Variants in ZNF169 observed in about 807,000 individuals in gnomAD.
The protein encoded by ZNF169 is zinc finger protein 169.
Under a neutral mutation model 12.0 loss-of-function variants are expected in ZNF169, and 11 were observed. That is an observed-to-expected ratio of 0.92 (90% CI 0.58 to 1.52). The LOEUF (loss-of-function observed/expected upper bound fraction) is 1.52. Among genes scored for constraint, ZNF169 ranks in the 40% most tolerant of loss-of-function variants. The probability of loss-of-function intolerance (pLI) is 0.00; values close to 1 mark genes in which losing one functional copy is unlikely to be tolerated. For synonymous variants in ZNF169, 302 were observed against 286.5 expected (o/e 1.05, Z -0.55); for missense variants, 722 against 744.0 (o/e 0.97, Z 0.34).
intron 2 of ZNF169, chr9:94,287,847 G>T: frequency 9.5e-7 from 1 of 1,055,710 alleles, no homozygotes; most frequent in Non-Finnish European, 1.5e-6. Context: ...GTTCATTTTA[G>T]CCGAGAAGTA....
chr9:94,278,890 A>T, intron 2 of ZNF169, 45 bp downstream of exon 2: 1 of 1,607,620 alleles, frequency 6.2e-7, no homozygotes, highest in Non-Finnish European at 8.5e-7. Context: ...AAGGTTTCAT[A>T]ATCTTTTCTT....
rs1471781189 is a variant in ZNF169, at chr9:94,300,962, T to G, written c.1404T>G (p.Gly468=). The part of the protein sequence containing the change: ...YLCPDCGRGF[G]QKVTLIRHQR... ...GCCCTGATTGTGGGCGTGGCTTTGG[T>G]CAGAAGGTCACCCTCATCAGACACC... The change falls in exon 5 of 5, where the codon GGT becomes GGG. Residue 468 remains glycine, a synonymous_variant. Coordinates refer to ENST00000395395, the MANE Select transcript of ZNF169 (RefSeq NM_194320.4). The G allele has an allele frequency of 9.3e-6, 14 of 1,499,252 alleles. No individual in the cohort carries two copies. The highest frequency in any genetic ancestry group is 1.2e-5 in the Non-Finnish European group (14 of 1,128,138). The allele number at this position is 1,499,252 out of a possible 1,614,324, so 92.9% of individuals were successfully genotyped here.
intron 1 of ZNF169, among the ~76,000 whole-genome samples, chr9:94,266,152 A>C (rs547274755): frequency 6.6e-6 from 1 of 152,226 alleles, no homozygotes; most frequent in Admixed American, 6.5e-5. Context: ...AGGCCTAGGC[A>C]AAATTGTTGA....
At chr9:94,273,420 C>A (rs1830460440) in intron 1 of ZNF169, among the ~76,000 whole-genome samples, 1 of 150,972 alleles carries the variant, frequency 6.6e-6, no homozygotes, top group Non-Finnish European at 1.5e-5. Context: ...AGTTTTATTT[C>A]TATTTCATTA....
chr9:94,277,528 T>C (rs888691794), intron 1 of ZNF169, among the ~76,000 whole-genome samples: 2 of 152,044 alleles, frequency 1.3e-5, no homozygotes, highest in African/African-American at 2.4e-5. Flanking sequence ...CAGAGTCAGA[T>C]TGGAAAGTAA....
chr9:94,263,039 A>G (rs998087213), intron 1 of ZNF169, among the ~76,000 whole-genome samples: 4 of 152,116 alleles, frequency 2.6e-5, no homozygotes, highest in Admixed American at 1.3e-4. Flanking sequence ...GGAATGTACC[A>G]TGGGCCCTTT....
chr9:94,268,900 A>G (rs1830339972), intron 1 of ZNF169, among the ~76,000 whole-genome samples: 1 of 152,178 alleles, frequency 6.6e-6, no homozygotes, highest in Non-Finnish European at 1.5e-5. Context: ...AACAGAATTC[A>G]GTCAACAGAG....
In ZNF169 at chr9:94,301,129, G is replaced by A; in HGVS notation, c.1571G>A (p.Gly524Asp). 1.2e-6 allele frequency: 2 copies of A among 1,614,160 alleles called. No homozygotes were observed. The highest frequency in any genetic ancestry group is 1.7e-6 in the Non-Finnish European group (2 of 1,180,042). Residue 524 changes from glycine to aspartate, a missense_variant, in exon 5 of 5, where the codon GGC becomes GAC. Physicochemically the swap from Gly to Asp is moderately conservative, Grantham distance 94. Transcript: ENST00000395395. Reference protein sequence around the residue: ...YVDRVCGQGLGQKSHLISDQR... With the variant: ...YVDRVCGQGLDQKSHLISDQR... ...GACAGGGTGTGTGGACAAGGACTTGGCCAGAAGTCACACCTTATCTCTGAC... is the reference window on the plus strand; with the variant it reads ...GACAGGGTGTGTGGACAAGGACTTGACCAGAAGTCACACCTTATCTCTGAC...
At chr9:94,292,607 T>TTTGTGTGTGTGTGTGTGTGTGTGTGTG in intron 3 of ZNF169, 140 bp downstream of exon 3, 2 of 677,208 alleles carry the variant, frequency 3.0e-6, no homozygotes, top group East Asian at 3.0e-5. Flanking sequence ...CACAGTGCAG[T>TTTGTGTGTGTGTGTGTGTGTGTGTGTG]TGTGTGTGTG....
intron 2 of ZNF169, among the ~76,000 whole-genome samples, chr9:94,287,446 A>G (rs1399304850): frequency 2.0e-5 from 3 of 151,966 alleles, no homozygotes; most frequent in African/African-American, 7.3e-5. Flanking sequence ...GCTCACTGCA[A>G]CCTCCACCTC....
chr9:94,270,977 TA>T (rs1564083787), intron 1 of ZNF169, among the ~76,000 whole-genome samples: 2 of 8,970 alleles, frequency 2.2e-4, no homozygotes, highest in African/African-American at 1.1e-3. Flanking sequence ...TTATATATTA[TA>T]TAAATATACA....
intron 1 of ZNF169, among the ~76,000 whole-genome samples, chr9:94,276,029 C>T (rs533397183): frequency 5.9e-5 from 9 of 152,018 alleles, no homozygotes; most frequent in Non-Finnish European, 8.8e-5. Context: ...CCGCCTCAGC[C>T]ACCTCTCAAA....
At chr9:94,271,506 G>A (rs909201774) in intron 1 of ZNF169, among the ~76,000 whole-genome samples, 1 of 151,914 alleles carries the variant, frequency 6.6e-6, no homozygotes, top group African/African-American at 2.4e-5. Flanking sequence ...CAGATCACTC[G>A]GTCAAAAGAT....
At chr9:94,275,305 G>A (rs964943846) in intron 1 of ZNF169, among the ~76,000 whole-genome samples, 9 of 152,144 alleles carry the variant, frequency 5.9e-5, no homozygotes, top group African/African-American at 1.7e-4. Flanking sequence ...TTATAACGTC[G>A]AAAAATTGTA....
intron 1 of ZNF169, among the ~76,000 whole-genome samples, chr9:94,267,349 T>G (rs1830312638): frequency 6.6e-6 from 1 of 152,198 alleles, no homozygotes; most frequent in South Asian, 2.1e-4. Context: ...GCTTCATAAG[T>G]GAACTTTGAT....
chr9:94,264,420 A>C (rs1830256126), intron 1 of ZNF169, among the ~76,000 whole-genome samples: 1 of 152,238 alleles, frequency 6.6e-6, no homozygotes, highest in Admixed American at 6.5e-5. Context: ...GACGTGAGCC[A>C]CCGCGCCTGG....
chr9:94,296,793 C>T (rs749934879), intron 4 of ZNF169: 1 of 456,898 alleles, frequency 2.2e-6, no homozygotes, highest in South Asian at 1.5e-5. Flanking sequence ...TGTAAATCCT[C>T]CATCTTCTTT....
intron 2 of ZNF169, among the ~76,000 whole-genome samples, chr9:94,280,084 A>G (rs936410368): frequency 4.6e-5 from 7 of 152,250 alleles, no homozygotes; most frequent in Admixed American, 2.6e-4. Flanking sequence ...GCTTTGTGCT[A>G]TAAATATGTC....
Position 94,300,793 on chromosome 9 carries a change from G to T in ZNF169, c.1235G>T (p.Arg412Leu). Residue 412 changes from arginine (R) to leucine (L), a missense_variant, in exon 5 of 5, where the codon CGC (arginine) becomes CTC (leucine). By Grantham distance (102) the Arg-to-Leu change is moderately radical (BLOSUM62 -2). Transcript: ENST00000395395. ...TGTGCTGAGTGTGGGCACAGCTTTC[G>T]CCAAAAGGTCACTCTCATCAGGCAC... ...YVCAECGHSF[R>L]QKVTLIRHQR... 6.2e-7 allele frequency: 1 copy of T among 1,614,018 alleles called. No individual in the cohort carries two copies. Among genetic ancestry groups the T allele is most frequent in the Non-Finnish European group, 8.5e-7 (1 of 1,179,994 alleles).
Sources: gnomAD v4.1 joint callset for allele counts (sites outside exome capture counted in the v4.1 genomes callset) on GRCh38, gnomAD v4.1.1 for gene constraint, MANE v1.5 for transcripts, NCBI Gene and HGNC (gene_info 2026-07-23, HGNC 2026-07-21) for gene names.